The following RPS29 variants were observed in gnomAD, a reference collection of about 807,000 sequenced individuals.
RPS29 encodes small ribosomal subunit protein uS14.
For synonymous variants in RPS29, 37 were observed against 26.9 expected, an observed-to-expected ratio of 1.37 and a Z score of -1.16; for missense variants, 60 against 75.7, an observed-to-expected ratio of 0.79 and a Z score of 0.77.
At chr14:49,594,822 A>G (rs2139522885) in intron 1 of RPS29, among the ~76,000 whole-genome samples, 1 of 152,382 alleles carries the variant, frequency 6.6e-6, no homozygotes, top group East Asian at 1.9e-4. Flanking sequence ...TTAGATAAGA[A>G]GCTCTCAAAA....
chr14:49,594,248 C>G (rs1351430716), intron 1 of RPS29, among the ~76,000 whole-genome samples: 1 of 152,046 alleles, frequency 6.6e-6, no homozygotes, highest in Non-Finnish European at 1.5e-5. Flanking sequence ...CCACAAGAAC[C>G]TTTCCTGATC....
At chr14:49,581,765 T>C (rs1383652451), downstream of RPS29, among the ~76,000 whole-genome samples, 1 of 151,960 alleles carries the variant, frequency 6.6e-6, no homozygotes, top group Non-Finnish European at 1.5e-5. Flanking sequence ...GTAGTGGTGC[T>C]CACCTGTAAT....
chr14:49,573,036 C>T (rs1350041670), exon 3 of RPS29: 1 of 149,952 alleles, frequency 6.7e-6, no homozygotes, highest in Non-Finnish European at 1.5e-5. Flanking sequence ...CGACTTCACT[C>T]CAGCCTGCAT....
Position 49,583,577 on chromosome 14 carries a change from G to A in RPS29, c.*90C>T. 4 of 1,421,044 alleles carry A rather than the reference G, an allele frequency of 2.8e-6. No individual in the cohort carries two copies. The highest frequency in any genetic ancestry group is 1.3e-5 in the South Asian group (1 of 78,972). The allele number at this position is 1,421,044 out of a possible 1,614,324, so 88.0% of individuals were successfully genotyped here. On this transcript the variant is annotated 3_prime_UTR_variant, in exon 3 of 3. Coordinates refer to ENST00000245458, the MANE Select transcript of RPS29 (RefSeq NM_001032.5). ...ACATTAGAACACTCATAAACTGAAG[G>A]GTTTTTTCAAATGTTTATTTTATAT...
chr14:49,585,595 A>AG lies in RPS29; in HGVS notation c.162+354_162+355insC, dbSNP rs1594573157. 1.6e-5 allele frequency: 6 copies of AG among 384,772 alleles called. No homozygotes were observed. In the East Asian group the frequency reaches 2.3e-4, roughly 15 times the overall value. 23.8% of individuals were successfully genotyped at this position (384,772 alleles called of 1,614,324 possible). On this transcript the variant is annotated intron_variant, in intron 2 of 2. Coordinates refer to ENST00000245458, the MANE Select transcript of RPS29 (RefSeq NM_001032.5). Reference sequence around the variant, plus strand: ...GAGACCCTATCTCTAAAAAAAAAAAAAAGAGAATAGGTACTTACAAGATTG... The same window carrying AG: ...GAGACCCTATCTCTAAAAAAAAAAAAGAAGAGAATAGGTACTTACAAGATTG...
chr14:49,577,524 GTTGCTCACCAGCAGTAC>G, exon 3 of RPS29: 1 of 565,176 alleles, frequency 1.8e-6, no homozygotes, highest in South Asian at 1.8e-5. Flanking sequence ...AGTAAGATTT[GTTGCTCACCAGCAGTAC>G]TTCCAGCTCC....
At chr14:49,585,810 TAA>T (rs980313507) in intron 2 of RPS29, 138 bp downstream of exon 2, 2 of 651,660 alleles carry the variant, frequency 3.1e-6, no homozygotes, top group South Asian at 1.9e-5. Context: ...AGCTACCAAC[TAA>T]AAAAAGAGGA....
intron 1 of RPS29, among the ~76,000 whole-genome samples, chr14:49,592,589 AC>A (rs1020252775): frequency 6.8e-6 from 1 of 147,668 alleles, no homozygotes; most frequent in African/African-American, 2.5e-5. Flanking sequence ...CTGGTCTTGA[AC>A]CCCCGCCGGC....
At chr14:49,594,928 C>G (rs1330151177) in intron 1 of RPS29, among the ~76,000 whole-genome samples, 1 of 152,178 alleles carries the variant, frequency 6.6e-6, no homozygotes, top group Non-Finnish European at 1.5e-5. Flanking sequence ...TTGAACAGAA[C>G]TCTTGCTTCT....
At chr14:49,586,122 G>T in intron 1 of RPS29, 73 bp from the exon 2 acceptor site, 1 of 1,446,006 alleles carries the variant, frequency 6.9e-7, no homozygotes, top group Non-Finnish European at 9.7e-7. Flanking sequence ...GCTACTACCC[G>T]CATCCCGGGA....
downstream of RPS29, among the ~76,000 whole-genome samples, chr14:49,582,990 A>G (rs751147677): frequency 2.0e-5 from 3 of 152,236 alleles, no homozygotes; most frequent in African/African-American, 7.2e-5. Context: ...GTGTGAACAT[A>G]TATGTATATA....
At chr14:49,586,466 T>G, upstream of RPS29, 3 of 868,162 alleles carry the variant, frequency 3.5e-6, no homozygotes, top group Non-Finnish European at 3.8e-6. Flanking sequence ...CGCAGTGTGG[T>G]CAGGTTGTTT....
chr14:49,596,162 G>T (rs151259623), intron 1 of RPS29, among the ~76,000 whole-genome samples: 1 of 152,284 alleles, frequency 6.6e-6, no homozygotes, highest in Non-Finnish European at 1.5e-5. Context: ...AGCGGAAACT[G>T]AACTGGGATT....
At chr14:49,595,761 C>G (rs1181888914) in intron 1 of RPS29, among the ~76,000 whole-genome samples, 1 of 152,028 alleles carries the variant, frequency 6.6e-6, no homozygotes, top group African/African-American at 2.4e-5. Context: ...GCCTGTAATC[C>G]CAGCACTTTG....
chr14:49,584,833 G>A (rs1881466140), intron 2 of RPS29, among the ~76,000 whole-genome samples: 1 of 151,738 alleles, frequency 6.6e-6, no homozygotes, highest in Non-Finnish European at 1.5e-5. Context: ...CAGAAAGCTG[G>A]TGATTTTTAT....
chr14:49,584,434 T>C (rs931318233), intron 2 of RPS29, among the ~76,000 whole-genome samples: 3 of 152,246 alleles, frequency 2.0e-5, no homozygotes, highest in Non-Finnish European at 2.9e-5. Context: ...TTAAACGTAC[T>C]TTCTCTGTCC....
intron 2 of RPS29, among the ~76,000 whole-genome samples, chr14:49,578,251 A>C (rs774275008): frequency 2.0e-5 from 3 of 152,154 alleles, no homozygotes; most frequent in Non-Finnish European, 2.9e-5. Flanking sequence ...CTAAAAATAG[A>C]ATGAGCTGTT....
chr14:49,590,263 G>T (rs2139518867), upstream of RPS29, among the ~76,000 whole-genome samples: 1 of 151,750 alleles, frequency 6.6e-6, no homozygotes, highest in Admixed American at 6.6e-5. Flanking sequence ...AGATCACAAG[G>T]TCAGGAGTTC....
chr14:49,593,633 C>G (rs1594578427), intron 1 of RPS29, among the ~76,000 whole-genome samples: 1 of 123,156 alleles, frequency 8.1e-6, no homozygotes, highest in East Asian at 2.7e-4. Flanking sequence ...GTGGAAGTTG[C>G]AATGAGCCGA....
Sources: allele counts gnomAD v4.1 joint callset (sites outside exome capture counted in the v4.1 genomes callset), GRCh38; gene constraint gnomAD v4.1.1; transcripts MANE v1.5; gene names NCBI Gene and HGNC (gene_info 2026-07-23, HGNC 2026-07-21).